Variants in BLOC1S2 observed in about 807,000 individuals in gnomAD.
The protein encoded by BLOC1S2 is biogenesis of lysosome-related organelles complex 1 subunit 2.
In BLOC1S2, 12 loss-of-function variants were observed where a neutral mutation model predicts 19.6. The ratio of observed to expected loss-of-function variants is 0.61; its 90% CI spans 0.39 to 0.99. The LOEUF (loss-of-function observed/expected upper bound fraction) is 0.99. Among genes scored for constraint, BLOC1S2 ranks in the 50% least tolerant of loss-of-function variants. BLOC1S2 has a pLI of 0.00. For missense variants in BLOC1S2, 142 were observed against 171.0 expected, an observed-to-expected ratio of 0.83 and a Z score of 0.95; for synonymous variants, 66 against 64.1, an observed-to-expected ratio of 1.03 and a Z score of -0.14.
At chr10:100,280,346 G>A (rs1848072538) in intron 3 of BLOC1S2, 118 bp from the exon 4 acceptor site, 2 of 859,598 alleles carry the variant, frequency 2.3e-6, no homozygotes, top group Non-Finnish European at 3.4e-6. Context: ...AGATTAGGTG[G>A]CGTGACATGA....
chr10:100,282,775 G>A (rs1848140239), intron 2 of BLOC1S2: 2 of 395,506 alleles, frequency 5.1e-6, no homozygotes, highest in African/African-American at 4.1e-5. Flanking sequence ...ACAATCACAG[G>A]AAAATAACAA....
At chr10:100,279,159 G>A (rs1355467131) in intron 4 of BLOC1S2, among the ~76,000 whole-genome samples, 2 of 151,878 alleles carry the variant, frequency 1.3e-5, no homozygotes, top group Non-Finnish European at 2.9e-5. Flanking sequence ...ATGTATGTAA[G>A]AGCCAGAGCC....
Position 100,280,965 on chromosome 10 carries a change from A to G in BLOC1S2, c.261T>C (p.Ile87=). 7 of 1,613,170 alleles carry G rather than the reference A, an allele frequency of 4.3e-6. No homozygotes were observed. Among genetic ancestry groups the G allele is most frequent in the Non-Finnish European group, 5.9e-6 (7 of 1,179,712 alleles). The part of the protein sequence containing the change: ...YLEMKDIAIN[I]SRNLKDLNQK... ...GGTTTAAGTCCTTTAAGTTCCTACTAATGTTTATAGCAATATCTTTCATTT... is the reference window on the plus strand; with the variant it reads ...GGTTTAAGTCCTTTAAGTTCCTACTGATGTTTATAGCAATATCTTTCATTT... Residue 87 remains isoleucine (I), a synonymous_variant, in exon 3 of 5, where the codon ATT becomes ATC. Coordinates refer to ENST00000370372, the MANE Select transcript of BLOC1S2 (RefSeq NM_173809.5).
chr10:100,284,020 ACTT>A (rs1445495370), intron 2 of BLOC1S2, among the ~76,000 whole-genome samples: 1 of 152,260 alleles, frequency 6.6e-6, no homozygotes, highest in Non-Finnish European at 1.5e-5. Context: ...GCTTCCCCTT[ACTT>A]CTTGCAATAT....
At chr10:100,286,517 G>C (rs1473119583) in intron 1 of BLOC1S2, 88 bp downstream of exon 1, 1 of 1,566,790 alleles carries the variant, frequency 6.4e-7, no homozygotes, top group African/African-American at 1.4e-5. Flanking sequence ...GTTCCTGCCA[G>C]GTGAGCCACC....
intron 4 of BLOC1S2, among the ~76,000 whole-genome samples, chr10:100,277,740 G>A (rs1356882052): frequency 7.6e-6 from 1 of 132,274 alleles, no homozygotes; most frequent in African/African-American, 2.9e-5. Flanking sequence ...CAGCCGCCCC[G>A]TCCGGGAGGT....
Position 100,286,621 on chromosome 10 carries a change from A to G in BLOC1S2, c.39T>C (p.Ser13=). 1 of 1,610,238 alleles carries G rather than the reference A, an allele frequency of 6.2e-7. No homozygotes were observed. Among genetic ancestry groups the G allele is most frequent in the Non-Finnish European group, 8.5e-7 (1 of 1,178,554 alleles). The change falls in exon 1 of 5, where the codon AGT becomes AGC. Residue 13 remains serine (S), a synonymous_variant. Transcript: ENST00000370372. ...TCCGGGTACCTCGGGCGGGCTCATC[A>G]CTCCGGGTCGCCAGTACGCCCTCGG... ...AAAEGVLATR[S]DEPARDDAAV...
intron 4 of BLOC1S2, among the ~76,000 whole-genome samples, chr10:100,276,454 TCC>T (rs1166587778): frequency 1.0e-3 from 14 of 13,788 alleles, no homozygotes; most frequent in African/African-American, 4.9e-3. Context: ...CGTCTCCCTC[TCC>T]CTCTCCCGTC....
intron 2 of BLOC1S2, chr10:100,282,886 T>C: frequency 2.5e-6 from 1 of 398,630 alleles, no homozygotes; most frequent in African/African-American, 2.1e-5. Flanking sequence ...TCCCTGACAT[T>C]TTAGCCTAGG....
At chr10:100,281,693 A>AAAAAAT (rs71013438) in intron 2 of BLOC1S2, among the ~76,000 whole-genome samples, 9 of 138,882 alleles carry the variant, frequency 6.5e-5, no homozygotes, top group African/African-American at 2.0e-4. Context: ...AAAAAAAAAA[A>AAAAAAT]ATATATATAT....
At position 100,278,087 on chromosome 10, in the gene BLOC1S2, G is replaced by A. The variant is rs1267053418; in HGVS notation, c.397+2037C>T. Among the ~76,000 whole-genome samples, 132 of 128,462 alleles carry A rather than the reference G, an allele frequency of 1.0e-3. 1 individual carries two copies. The highest frequency in any genetic ancestry group is 4.5e-3 in the Admixed American group (61 of 13,408). 84.3% of individuals were successfully genotyped at this position (128,462 alleles called of 152,430 possible). A position where few individuals can be genotyped will look rare whatever the true frequency, so the allele number is the denominator to read the frequency against. On this transcript the variant is annotated intron_variant, in intron 4 of 4. Coordinates refer to ENST00000370372, the MANE Select transcript of BLOC1S2 (RefSeq NM_173809.5). ...GGCTCAGCCCCCCGCCGGGCCAGCCGCTCCGTCCGGGAGGGAGGTGGGGGG... is the reference window on the plus strand; with the variant it reads ...GGCTCAGCCCCCCGCCGGGCCAGCCACTCCGTCCGGGAGGGAGGTGGGGGG...
rs11814738 is a variant in BLOC1S2 at position 100,281,354 on chromosome 10, C to T, written c.173-301G>A. Among the ~76,000 whole-genome samples, 1,492 of 152,256 alleles carry T rather than the reference C, an allele frequency of 9.8e-3. 24 individuals carry two copies. Among genetic ancestry groups the T allele is most frequent in the African/African-American group, 0.035 (1,436 of 41,534 alleles). ...GGGAGGTAAAATAGTCTTGGTACTT[C>T]TACAGCATGAAAACATTTAACTTAT... On this transcript the variant is annotated intron_variant, in intron 2 of 4. Coordinates refer to ENST00000370372, the MANE Select transcript of BLOC1S2 (RefSeq NM_173809.5).
intron 2 of BLOC1S2, among the ~76,000 whole-genome samples, chr10:100,281,375 C>T (rs7093193): frequency 0.063 from 9,527 of 152,160 alleles, 340 homozygotes; most frequent in African/African-American, 0.095. Flanking sequence ...AAACATTTAA[C>T]TTATATACAT....
Position 100,273,796 on chromosome 10 carries a change from A to G in BLOC1S2, c.*1666T>C, listed in dbSNP as rs1312527310. 1.3e-5 allele frequency: 2 copies of G among 150,980 alleles called. No homozygotes were observed. The highest frequency in any genetic ancestry group is 4.9e-5 in the African/African-American group (2 of 40,948). The allele number at this position is 150,980 out of a possible 1,614,324, so 9.4% of individuals were successfully genotyped here. ...GGTTGCAGTGAGCTAAGATCGCACC[A>G]CTGCACTCCAGCCCAGGCGACAGAG... On this transcript the variant is annotated 3_prime_UTR_variant, in exon 5 of 5. Coordinates refer to ENST00000370372, the MANE Select transcript of BLOC1S2 (RefSeq NM_173809.5).
chr10:100,278,099 A>T (rs1246115892), intron 4 of BLOC1S2, among the ~76,000 whole-genome samples: 1,702 of 96,440 alleles, frequency 0.018, 111 homozygotes, highest in African/African-American at 0.03. Flanking sequence ...TCCGTCCGGG[A>T]GGGAGGTGGG....
chr10:100,286,248 A>G (rs1436984841), intron 1 of BLOC1S2, 35 bp from the exon 2 acceptor site: 1 of 1,607,058 alleles, frequency 6.2e-7, no homozygotes. Context: ...TGTCCCGCCT[A>G]CACCCGGTGC....
At position 100,286,677 on chromosome 10, in the gene BLOC1S2, T is replaced by C. The variant is rs577943792; in HGVS notation, c.-18A>G. On this transcript the variant is annotated 5_prime_UTR_variant, in exon 1 of 5. Coordinates refer to ENST00000370372, the MANE Select transcript of BLOC1S2 (RefSeq NM_173809.5). ...GCCGCCATAGCGGACCCCGCGCTGT[T>C]TCCGGGCCGGGGTGCTGCGCATGCG... The C allele has an allele frequency of 1.2e-6, 2 of 1,607,480 alleles. No individual in the cohort carries two copies. Among genetic ancestry groups the C allele is most frequent in the Non-Finnish European group, 8.5e-7 (1 of 1,177,076 alleles).
chr10:100,284,285 A>C lies in BLOC1S2; in HGVS notation c.172+1812T>G, dbSNP rs549266323. Among the ~76,000 whole-genome samples the C allele has an allele frequency of 3.3e-5, 5 of 152,356 alleles. No individual in the cohort carries two copies. In the East Asian group the frequency reaches 9.6e-4, roughly 29 times the overall value. On this transcript the variant is annotated intron_variant, in intron 2 of 4. Coordinates refer to ENST00000370372, the MANE Select transcript of BLOC1S2 (RefSeq NM_173809.5). ...AAGAATGCAGGGGCTAGTAGCGCCAAATCTTTGGAATTGTTAAAGAGAAGC... is the reference window on the plus strand; with the variant it reads ...AAGAATGCAGGGGCTAGTAGCGCCACATCTTTGGAATTGTTAAAGAGAAGC...
chr10:100,280,489 T>A (rs1848076357), intron 3 of BLOC1S2, among the ~76,000 whole-genome samples: 1 of 152,218 alleles, frequency 6.6e-6, no homozygotes. Flanking sequence ...GAGCAATCTT[T>A]CCATTACTGA....
Sources: allele counts gnomAD v4.1 joint callset (sites outside exome capture counted in the v4.1 genomes callset), GRCh38; gene constraint gnomAD v4.1.1; transcripts MANE v1.5; gene names NCBI Gene and HGNC (gene_info 2026-07-23, HGNC 2026-07-21).